The following SMAD1 variants were observed in gnomAD, a reference collection of about 807,000 sequenced individuals.
The protein encoded by SMAD1 is SMAD family member 1.
In SMAD1, 6 loss-of-function variants were observed where a neutral mutation model predicts 41.6. The observed-to-expected ratio is 0.14, with a 90% CI of 0.08 to 0.28. SMAD1 has a LOEUF of 0.28. Ranked by LOEUF, SMAD1 falls within the 10% of genes least tolerant of loss-of-function variation. The probability of loss-of-function intolerance (pLI) is 1.00; values close to 1 mark genes in which losing one functional copy is unlikely to be tolerated. For missense variants in SMAD1, 379 were observed against 582.6 expected (o/e 0.65, Z 3.60); for synonymous variants, 206 against 203.2 (o/e 1.01, Z -0.12).
chr4:145,517,885 C>T (rs536991321), intron 2 of SMAD1, among the ~76,000 whole-genome samples: 2 of 126,700 alleles, frequency 1.6e-5, no homozygotes, highest in African/African-American at 5.0e-5. Flanking sequence ...GCCATTTCAG[C>T]CTCTCCTTTA....
chr4:145,538,616 C>T (rs946081120), intron 2 of SMAD1, among the ~76,000 whole-genome samples: 2 of 152,140 alleles, frequency 1.3e-5, no homozygotes, highest in African/African-American at 2.4e-5. Context: ...GGAAAGCCCT[C>T]AAAAGTCTGC....
chr4:145,546,951 G>T (rs371878270), intron 5 of SMAD1, 27 bp downstream of exon 5: 2 of 1,544,746 alleles, frequency 1.3e-6, no homozygotes, highest in African/African-American at 2.7e-5. Context: ...ACCTCTTTCA[G>T]ATGTTTATCT....
intron 2 of SMAD1, among the ~76,000 whole-genome samples, chr4:145,530,138 A>G (rs1197082635): frequency 6.6e-6 from 1 of 152,220 alleles, no homozygotes; most frequent in Non-Finnish European, 1.5e-5. Flanking sequence ...CAAAGGCATT[A>G]CAGTCCAGGT....
At chr4:145,536,384 G>T (rs1731615652) in intron 2 of SMAD1, among the ~76,000 whole-genome samples, 2 of 152,272 alleles carry the variant, frequency 1.3e-5, no homozygotes, top group Non-Finnish European at 2.9e-5. Flanking sequence ...GATAAGCCTG[G>T]AATGTCTTGT....
intron 6 of SMAD1, among the ~76,000 whole-genome samples, chr4:145,556,329 A>G (rs1732832495): frequency 1.3e-5 from 2 of 152,158 alleles, no homozygotes; most frequent in African/African-American, 4.8e-5. Flanking sequence ...ATAAGCCTGT[A>G]AATTAATTTT....
intron 2 of SMAD1, among the ~76,000 whole-genome samples, chr4:145,522,429 C>T (rs1192908154): frequency 6.6e-6 from 1 of 152,042 alleles, no homozygotes; most frequent in African/African-American, 2.4e-5. Flanking sequence ...TGGAGAAACC[C>T]CATCTCTACT....
intron 1 of SMAD1, among the ~76,000 whole-genome samples, chr4:145,485,624 T>C (rs1234408371): frequency 6.6e-6 from 1 of 152,222 alleles, no homozygotes; most frequent in African/African-American, 2.4e-5. Context: ...TATAAACTAA[T>C]TTTATCACTA....
intron 1 of SMAD1, among the ~76,000 whole-genome samples, chr4:145,492,278 TC>T (rs1309183930): frequency 6.6e-6 from 1 of 152,166 alleles, no homozygotes; most frequent in Non-Finnish European, 1.5e-5. Context: ...GAAGGTTCAG[TC>T]CCACCCACCT....
rs572335831 is a variant in SMAD1, at chr4:145,544,950, AT to A, written c.776-1746del. The A allele has an allele frequency of 3.0e-3, 453 of 152,068 alleles. 4 individuals carry two copies. Among genetic ancestry groups the A allele is most frequent in the African/African-American group, 0.011 (439 of 41,496 alleles). 9.4% of individuals were successfully genotyped at this position (152,068 alleles called of 1,614,324 possible). A position where few individuals can be genotyped will look rare whatever the true frequency, so the allele number is the denominator to read the frequency against. On this transcript the variant is annotated intron_variant, in intron 4 of 6. Transcript: ENST00000302085. The stretch of plus-strand genomic sequence containing the variant: ...AAACAGATCTTTAAATTGCTTTAAG[AT>A]TTTTTTCATTTAAATAGCTTTAATT...
intron 2 of SMAD1, among the ~76,000 whole-genome samples, chr4:145,528,033 A>T (rs1578794960): frequency 6.8e-6 from 1 of 146,508 alleles, no homozygotes; most frequent in African/African-American, 2.5e-5. Flanking sequence ...GGCATGCACT[A>T]CCACTCTCGG....
intron 1 of SMAD1, among the ~76,000 whole-genome samples, chr4:145,491,223 C>T (rs1227876509): frequency 6.6e-6 from 1 of 152,088 alleles, no homozygotes; most frequent in Non-Finnish European, 1.5e-5. Context: ...GAAGCACCAC[C>T]CCAATAGAAA....
chr4:145,542,306 C>T (rs1731989757), intron 3 of SMAD1, among the ~76,000 whole-genome samples: 1 of 152,242 alleles, frequency 6.6e-6, no homozygotes, highest in Non-Finnish European at 1.5e-5. Context: ...TGCTTTTAAA[C>T]AGCATGATCC....
At chr4:145,543,539 C>G (rs957983148) in intron 4 of SMAD1, among the ~76,000 whole-genome samples, 1 of 152,168 alleles carries the variant, frequency 6.6e-6, no homozygotes, top group Non-Finnish European at 1.5e-5. Context: ...AAGTTTTTCC[C>G]CTTCTCAGCC....
In SMAD1 at chr4:145,559,075, C is replaced by T. The variant is rs1372125327; in HGVS notation, c.*1141C>T. ...TCCTTCTGTTAATCTTTTGTATTCACTTATGCTCTCGTACATTGAGTACTT... is the reference window on the plus strand; with the variant it reads ...TCCTTCTGTTAATCTTTTGTATTCATTTATGCTCTCGTACATTGAGTACTT... On this transcript the variant is annotated 3_prime_UTR_variant, in exon 7 of 7. Coordinates refer to ENST00000302085, the MANE Select transcript of SMAD1 (RefSeq NM_005900.3). Among the ~76,000 whole-genome samples the T allele has an allele frequency of 6.6e-6, 1 of 152,124 alleles. No homozygotes were observed. The highest frequency in any genetic ancestry group is 1.5e-5 in the Non-Finnish European group (1 of 68,018).
At chr4:145,528,060 TACACACACACACACAC>T (rs35710925) in intron 2 of SMAD1, among the ~76,000 whole-genome samples, 2 of 142,078 alleles carry the variant, frequency 1.4e-5, no homozygotes, top group Non-Finnish European at 3.1e-5. Context: ...TTTTTGTTTG[TACACACACACACACAC>T]ACACACACAC....
At chr4:145,499,136 C>T (rs1729276019) in intron 1 of SMAD1, among the ~76,000 whole-genome samples, 1 of 152,162 alleles carries the variant, frequency 6.6e-6, no homozygotes. Flanking sequence ...ACTCTAATTC[C>T]TACAAGATTT....
chr4:145,497,397 CAT>C (rs775640786), intron 1 of SMAD1: 6 of 152,216 alleles, frequency 3.9e-5, no homozygotes, highest in Non-Finnish European at 8.8e-5. Flanking sequence ...TGACTCTTAT[CAT>C]AGTGTACCAT....
At chr4:145,480,838 G>C (rs1231427623), upstream of SMAD1, among the ~76,000 whole-genome samples, 1 of 151,194 alleles carries the variant, frequency 6.6e-6, no homozygotes, top group East Asian at 1.9e-4. Flanking sequence ...CCCACGAATT[G>C]ACCAGTAAGT....
rs562372008 is a variant in SMAD1, at chr4:145,505,202, G to C, written c.-176-9236G>C. Among the ~76,000 whole-genome samples the C allele has an allele frequency of 7.2e-5, 11 of 152,236 alleles. No homozygotes were observed. In the South Asian group the frequency reaches 2.1e-3, roughly 29 times the overall value. ...TGAGAATTACATTACAAGTCCCCTG[G>C]CATGTTCCCCTTTGACCTTTTTTGA... is the stretch of plus-strand genomic sequence containing the variant. On this transcript the variant is annotated intron_variant, in intron 1 of 6. Coordinates refer to ENST00000302085, the MANE Select transcript of SMAD1 (RefSeq NM_005900.3).
Sources: allele counts gnomAD v4.1 joint callset (sites outside exome capture counted in the v4.1 genomes callset), GRCh38; gene constraint gnomAD v4.1.1; transcripts MANE v1.5; gene names NCBI Gene and HGNC (gene_info 2026-07-23, HGNC 2026-07-21).